Variants in PUDP observed in about 807,000 individuals in gnomAD.
PUDP encodes the protein pseudouridine-5'-phosphatase.
A neutral mutation model predicts 9.4 loss-of-function variants in PUDP; 8 were observed. The ratio of observed to expected loss-of-function variants is 0.85; its 90% CI spans 0.50 to 1.53. PUDP has a LOEUF of 1.53. Ranked by LOEUF, PUDP falls within the 40% of genes most tolerant of loss-of-function variation. PUDP has a pLI of 0.00. For synonymous variants in PUDP, 99 were observed against 80.7 expected (o/e 1.23, Z -1.22); for missense variants, 188 against 189.7 (o/e 0.99, Z 0.05).
intron 1 of PUDP, among the ~76,000 whole-genome samples, chrX:7,147,170 G>T (rs1390125325): frequency 9.0e-6 from 1 of 110,747 alleles, no homozygotes; most frequent in Non-Finnish European, 1.9e-5. Flanking sequence ...TAATGCCTCG[G>T]ATTGATAGAG....
chrX:6,767,320 G>C (rs151276192), intron 3 of PUDP, among the ~76,000 whole-genome samples: 311 of 112,659 alleles, frequency 2.8e-3, no homozygotes, highest in Non-Finnish European at 4.7e-3. Context: ...GGGCTTATGG[G>C]TGTCAGTGCT....
chrX:7,095,892 T>C (rs1328988880), intron 2 of PUDP, among the ~76,000 whole-genome samples: 8 of 112,365 alleles, frequency 7.1e-5, no homozygotes, highest in Non-Finnish European at 1.3e-4. Flanking sequence ...GAGATGTGAC[T>C]GTGTCAGTGT....
chrX:6,967,767 C>T (rs188820668), intron 3 of PUDP, among the ~76,000 whole-genome samples: 2,597 of 111,720 alleles, frequency 0.023, 77 homozygotes, highest in African/African-American at 0.079. Context: ...ACCCTTCTCT[C>T]CAAAGCCAGC....
chrX:7,100,326 G>A (rs1931695264), intron 2 of PUDP, among the ~76,000 whole-genome samples: 1 of 110,982 alleles, frequency 9.0e-6, no homozygotes, highest in Non-Finnish European at 1.9e-5. Context: ...TGCTTCCCCT[G>A]GTAATCTACC....
At chrX:6,763,607 C>T (rs889051280) in intron 3 of PUDP, among the ~76,000 whole-genome samples, 1 of 111,392 alleles carries the variant, frequency 9.0e-6, no homozygotes, top group African/African-American at 3.3e-5. Flanking sequence ...GACTATGTAA[C>T]CACATGACCT....
intron 3 of PUDP, among the ~76,000 whole-genome samples, chrX:6,879,656 G>A (rs1387846547): frequency 2.7e-5 from 3 of 111,820 alleles, no homozygotes; most frequent in Non-Finnish European, 5.6e-5. Context: ...GAACACTCAT[G>A]CACAGAGTAA....
intron 1 of PUDP, among the ~76,000 whole-genome samples, chrX:7,011,273 C>T (rs748217989): frequency 8.9e-6 from 1 of 111,856 alleles, no homozygotes; most frequent in Non-Finnish European, 1.9e-5. Context: ...TGCAAAACAA[C>T]AGAATCTTCT....
intron 3 of PUDP, among the ~76,000 whole-genome samples, chrX:6,874,500 T>A (rs1448947931): frequency 1.8e-5 from 2 of 112,709 alleles, no homozygotes. Flanking sequence ...AATTCTGTTA[T>A]CAGTGTAGAT....
intron 1 of PUDP, among the ~76,000 whole-genome samples, chrX:7,129,423 T>C (rs1932564066): frequency 8.9e-6 from 1 of 111,924 alleles, no homozygotes; most frequent in Non-Finnish European, 1.9e-5. Context: ...GTTGGACCCG[T>C]GTTCTGAATG....
At chrX:6,795,423 G>A (rs369855209) in intron 3 of PUDP, among the ~76,000 whole-genome samples, 12 of 111,076 alleles carry the variant, frequency 1.1e-4, no homozygotes, top group Non-Finnish European at 2.3e-4. Flanking sequence ...CAGAGCAGCC[G>A]TGTTTGTGCT....
intron 3 of PUDP, among the ~76,000 whole-genome samples, chrX:6,735,231 G>C (rs1386551298): frequency 9.0e-6 from 1 of 111,467 alleles, no homozygotes; most frequent in African/African-American, 3.3e-5. Context: ...AGTTAAGATT[G>C]CATTCTGTTA....
At chrX:6,859,639 T>C (rs141010736) in intron 3 of PUDP, among the ~76,000 whole-genome samples, 2 of 111,284 alleles carry the variant, frequency 1.8e-5, no homozygotes, top group South Asian at 3.9e-4. Context: ...ATCACTATTG[T>C]AGAACCTTAA....
At chrX:7,005,495 C>T (rs961618118) in intron 1 of PUDP, among the ~76,000 whole-genome samples, 1 of 109,310 alleles carries the variant, frequency 9.1e-6, no homozygotes, top group African/African-American at 3.4e-5. Flanking sequence ...CTGTAGCCTC[C>T]ACCTCCTGGG....
At chrX:7,094,109 T>C (rs901797856) in intron 2 of PUDP, among the ~76,000 whole-genome samples, 2 of 110,715 alleles carry the variant, frequency 1.8e-5, no homozygotes, top group Non-Finnish European at 3.8e-5. Context: ...GCCTTGGCAA[T>C]AGAGTGAGAT....
chrX:7,102,237 A>C (rs1931754890), intron 2 of PUDP, among the ~76,000 whole-genome samples: 1 of 109,098 alleles, frequency 9.2e-6, no homozygotes, highest in Admixed American at 9.8e-5. Context: ...TGAAAGGATC[A>C]TATACATGAA....
chrX:6,803,036 T>TATAAA (rs1173733093), intron 3 of PUDP, among the ~76,000 whole-genome samples: 1 of 5,578 alleles, frequency 1.8e-4, no homozygotes, highest in Non-Finnish European at 3.0e-4. Flanking sequence ...TAAAATAAAA[T>TATAAA]ATAAAATAAA....
At chrX:6,724,753 G>A (rs184401591), upstream of PUDP, among the ~76,000 whole-genome samples, 7 of 111,254 alleles carry the variant, frequency 6.3e-5, no homozygotes, top group Admixed American at 1.9e-4. Context: ...GATCTCACTC[G>A]GTTAAATCTT....
chrX:6,753,940 G>C (rs774196700), intron 3 of PUDP, among the ~76,000 whole-genome samples: 223 of 111,839 alleles, frequency 2.0e-3, no homozygotes, highest in African/African-American at 6.5e-3. Context: ...TGTTTACTCT[G>C]CTGGCGGTTC....
At chrX:6,901,218 T>G (rs771382988) in intron 3 of PUDP, among the ~76,000 whole-genome samples, 5 of 112,185 alleles carry the variant, frequency 4.5e-5, no homozygotes, top group African/African-American at 6.5e-5. Context: ...AACAAATGGC[T>G]GCAGAGATGA....
Sources: allele counts gnomAD v4.1 joint callset (sites outside exome capture counted in the v4.1 genomes callset), GRCh38; gene constraint gnomAD v4.1.1; transcripts MANE v1.5; gene names NCBI Gene and HGNC (gene_info 2026-07-23, HGNC 2026-07-21).